Variants in METTL21C observed in about 807,000 individuals in gnomAD.
METTL21C encodes methyltransferase 21C, AARS1 lysine, also known as protein-lysine methyltransferase METTL21C.
A neutral mutation model predicts 25.9 loss-of-function variants in METTL21C; 21 were observed. The observed-to-expected ratio is 0.81, with a 90% confidence interval of 0.58 to 1.17. The LOEUF (loss-of-function observed/expected upper bound fraction) is 1.17, where lower values mean the gene tolerates loss of function less well. METTL21C is among the 50% of genes most tolerant of loss of function. METTL21C has a pLI of 0.00. For synonymous variants in METTL21C, 125 were observed against 124.7 expected (o/e 1.00, Z -0.01); for missense variants, 312 against 315.1 (o/e 0.99, Z 0.07).
In METTL21C at chr13:102,694,803, C is replaced by T. The variant is rs1359877149; in HGVS notation, c.-305G>A. ...ATGAACAAAATCCAGCCAGTGGAAGCCCAAGTTATTTAGGGTAGCATTATC... is the reference window on the plus strand; with the variant it reads ...ATGAACAAAATCCAGCCAGTGGAAGTCCAAGTTATTTAGGGTAGCATTATC... On this transcript the variant is annotated 5_prime_UTR_variant, in exon 1 of 4. Transcript: ENST00000267273. 1.3e-5 allele frequency among the ~76,000 whole-genome samples: 2 copies of T among 151,758 alleles called. No homozygotes were observed. Among genetic ancestry groups the T allele is most frequent in the Non-Finnish European group, 2.9e-5 (2 of 67,982 alleles).
the METTL21C span, among the ~76,000 whole-genome samples, chr13:102,700,743 A>G: frequency 0.3 from 45,311 of 151,982 alleles, 7,937 homozygotes; most frequent in East Asian, 0.47. Flanking sequence ...TGGAAACACC[A>G]TATCTTCACA....
intron 3 of METTL21C, 146 bp from the exon 4 acceptor site, chr13:102,686,571 G>A (rs768733203): frequency 1.9e-5 from 19 of 980,126 alleles, no homozygotes; most frequent in Admixed American, 2.9e-5. Context: ...AATGTGGGCT[G>A]GCTAATTCTT....
intron 3 of METTL21C, 147 bp downstream of exon 3, chr13:102,686,793 A>T (rs1031965050): frequency 1.5e-6 from 1 of 651,058 alleles, no homozygotes; most frequent in Non-Finnish European, 2.7e-6. Flanking sequence ...AGATAACAGC[A>T]GTAATTCCTG....
intron 2 of METTL21C, among the ~76,000 whole-genome samples, chr13:102,689,236 T>G (rs1386987449): frequency 2.0e-5 from 3 of 152,198 alleles, no homozygotes; most frequent in African/African-American, 7.2e-5. Context: ...GCCTCTGATC[T>G]CTTACTATAC....
chr13:102,693,138 T>C (rs1885871357), intron 1 of METTL21C, among the ~76,000 whole-genome samples: 1 of 152,126 alleles, frequency 6.6e-6, no homozygotes, highest in Non-Finnish European at 1.5e-5. Context: ...CACTGTGTAG[T>C]GTTCCTACCG....
In METTL21C at chr13:102,686,054, T is replaced by TA. The variant is rs576493983; in HGVS notation, c.771dup (p.Lys258Ter). 2.5e-4 allele frequency: 396 copies of TA among 1,589,610 alleles called. 1 individual carries two copies. The African/African-American group carries it at 4.4e-3, about 18-fold the overall frequency. On this transcript the variant is annotated frameshift_variant, in exon 4 of 4. Coordinates refer to ENST00000267273, the MANE Select transcript of METTL21C (RefSeq NM_001010977.3). LOFTEE classifies it high-confidence loss of function. ...ATTTAGTCCCATTTTAGTATCCCCT[T>TA]AAAAAGTTTGACTGATGACTCTGGA...
chr13:102,702,035 G>A, the METTL21C span, among the ~76,000 whole-genome samples: 218 of 151,974 alleles, frequency 1.4e-3, 1 homozygote, highest in African/African-American at 4.9e-3. Context: ...GTGGTGGCGG[G>A]TGCCTGTAGT....
Position 102,694,929 on chromosome 13 carries a change from C to T in METTL21C, c.-431G>A, listed in dbSNP as rs559464650. Among the ~76,000 whole-genome samples, 84 of 150,494 alleles carry T rather than the reference C, an allele frequency of 5.6e-4. 1 individual carries two copies. In the South Asian group the frequency reaches 0.01, roughly 19 times the overall value. On this transcript the variant is annotated 5_prime_UTR_variant, in exon 1 of 4. The change creates a new upstream start codon in the 5' untranslated region. Transcript: ENST00000267273. The stretch of plus-strand genomic sequence containing the variant: ...ACACACACACACACACACACACACA[C>T]GCACAGTCCTAGCAACATTCAATGG...
rs1033525122 is a variant in METTL21C, at chr13:102,686,832, A to G, written c.400+108T>C. On this transcript the variant is annotated intron_variant, in intron 3 of 3. Transcript: ENST00000267273. ...CATGACATTTTGGGGAGAGTCACTGAGTGAAGTTAGGGCCAGGCACCTAAA... is the reference window on the plus strand; with the variant it reads ...CATGACATTTTGGGGAGAGTCACTGGGTGAAGTTAGGGCCAGGCACCTAAA... 10 of 798,512 alleles carry G rather than the reference A, an allele frequency of 1.3e-5. No individual in the cohort carries two copies. The Admixed American group carries it at 2.1e-4, about 17-fold the overall frequency. 49.5% of individuals were successfully genotyped at this position (798,512 alleles called of 1,614,324 possible).
At position 102,688,671 on chromosome 13, in the gene METTL21C, G is replaced by T. The variant is rs1885742676; in HGVS notation, c.283-1614C>A. The stretch of plus-strand genomic sequence containing the variant: ...GAGAGAAGAGAAGTATTTGCTGTGG[G>T]GGCTGGGAGGAGGGGGTCAATGTCA... On this transcript the variant is annotated intron_variant, in intron 2 of 3. Coordinates refer to ENST00000267273, the MANE Select transcript of METTL21C (RefSeq NM_001010977.3). Among the ~76,000 whole-genome samples, 5 of 152,136 alleles carry T rather than the reference G, an allele frequency of 3.3e-5. No individual in the cohort carries two copies. In the South Asian group the frequency reaches 1.0e-3, roughly 31 times the overall value.
At chr13:102,704,139 T>A in the METTL21C span, among the ~76,000 whole-genome samples, 2 of 152,278 alleles carry the variant, frequency 1.3e-5, no homozygotes, top group Non-Finnish European at 2.9e-5. Context: ...GTTTTCTGCC[T>A]ATATAAGCAA....
upstream of METTL21C, among the ~76,000 whole-genome samples, chr13:102,695,605 C>T (rs1247346984): frequency 2.0e-5 from 3 of 152,294 alleles, no homozygotes; most frequent in Non-Finnish European, 4.4e-5. Flanking sequence ...ACTCGTTTCT[C>T]TGGTGTCACT....
rs1390589707 is a variant in METTL21C, at chr13:102,694,713, G to T, written c.-215C>A. Among the ~76,000 whole-genome samples, 1 of 151,764 alleles carries T rather than the reference G, an allele frequency of 6.6e-6. No individual in the cohort carries two copies. The highest frequency in any genetic ancestry group is 1.5e-5 in the Non-Finnish European group (1 of 67,968). ...CCTTATGCAGCAGAAGAGATGTGAG[G>T]CTTCTGTGCACTCTTTAATCCCCAG... is the stretch of plus-strand genomic sequence containing the variant. On this transcript the variant is annotated 5_prime_UTR_variant, in exon 1 of 4. Transcript: ENST00000267273.
chr13:102,691,632 G>A (rs957603044), intron 1 of METTL21C, among the ~76,000 whole-genome samples: 7 of 152,184 alleles, frequency 4.6e-5, no homozygotes, highest in African/African-American at 1.7e-4. Flanking sequence ...ACAGGCGTGA[G>A]CCACCACGCC....
At position 102,690,812 on chromosome 13, in the gene METTL21C, C is replaced by T. The variant is rs778499213; in HGVS notation, c.282+1G>A. ...CATCACAAATATGACAGTTCTCTCA[C>T]CCCTGGCCACACCACCGCTCCGTAA... On this transcript the variant is annotated splice_donor_variant, in intron 2 of 3. Coordinates refer to ENST00000267273, the MANE Select transcript of METTL21C (RefSeq NM_001010977.3). LOFTEE classifies it high-confidence loss of function. The T allele has an allele frequency of 1.9e-6, 3 of 1,613,876 alleles. No individual in the cohort carries two copies. The highest frequency in any genetic ancestry group is 1.7e-5 in the Admixed American group (1 of 60,010).
Position 102,686,420 on chromosome 13 carries a change from G to C in METTL21C, c.406C>G (p.Gln136Glu). 6.2e-7 allele frequency: 1 copy of C among 1,606,264 alleles called. No individual in the cohort carries two copies. Among genetic ancestry groups the C allele is most frequent in the Non-Finnish European group, 8.5e-7 (1 of 1,176,394 alleles). ...VSIVASILGA[Q>E]VTATDLPDVL... The stretch of plus-strand genomic sequence containing the variant: ...TCAGGCAAATCTGTTGCTGTGACTT[G>C]AGCTCCTAAGAGAAAAAGAAAACAA... Residue 136 changes from glutamine to glutamate, a missense_variant, in exon 4 of 4, where the codon CAA becomes GAA. Gln to Glu is a conservative substitution (Grantham distance 29). Coordinates refer to ENST00000267273, the MANE Select transcript of METTL21C (RefSeq NM_001010977.3).
chr13:102,695,749 C>G (rs1253763186), upstream of METTL21C, among the ~76,000 whole-genome samples: 1 of 152,184 alleles, frequency 6.6e-6, no homozygotes, highest in African/African-American at 2.4e-5. Context: ...CTCTATCGTT[C>G]TAATGCTTTC....
chr13:102,686,463 G>A (rs768094640), intron 3 of METTL21C, 38 bp from the exon 4 acceptor site: 8 of 1,576,204 alleles, frequency 5.1e-6, no homozygotes, highest in Non-Finnish European at 5.2e-6. Flanking sequence ...GAAACATCTG[G>A]GCAGTCACAG....
At chr13:102,703,295 G>A in the METTL21C span, among the ~76,000 whole-genome samples, 1 of 152,168 alleles carries the variant, frequency 6.6e-6, no homozygotes, top group Admixed American at 6.5e-5. Context: ...TGGGCAGCTG[G>A]AACTTCTAGC....
Sources: allele counts gnomAD v4.1 joint callset (sites outside exome capture counted in the v4.1 genomes callset), GRCh38; gene constraint gnomAD v4.1.1; transcripts MANE v1.5; gene names NCBI Gene and HGNC (gene_info 2026-07-23, HGNC 2026-07-21).